MCM4: variants seen among roughly 807,000 people sequenced by gnomAD.
MCM4 encodes DNA replication licensing factor MCM4.
In MCM4, 60 loss-of-function variants were observed where a neutral mutation model predicts 88.7. That is an observed-to-expected ratio of 0.68 (90% CI 0.55 to 0.84). The LOEUF (loss-of-function observed/expected upper bound fraction) is 0.84. Among genes scored for constraint, MCM4 ranks in the 40% least tolerant of loss-of-function variants. MCM4 has a pLI of 0.00. For synonymous variants in MCM4, 465 were observed against 410.5 expected (o/e 1.13, Z -1.61); for missense variants, 1,149 against 1,105.5 (o/e 1.04, Z -0.56).
chr8:47,966,694 T>C (rs1266128767), intron 9 of MCM4, among the ~76,000 whole-genome samples: 5 of 152,246 alleles, frequency 3.3e-5, no homozygotes, highest in African/African-American at 1.2e-4. Context: ...GAATACTTGG[T>C]TAAATGTCAT....
intron 13 of MCM4, among the ~76,000 whole-genome samples, chr8:47,971,930 A>G (rs1041194759): frequency 9.3e-5 from 14 of 150,916 alleles, no homozygotes; most frequent in African/African-American, 3.4e-4. Flanking sequence ...ATGTGTTTTC[A>G]TTCAAATCTT....
chr8:47,969,769 A>C (rs2090934307), intron 10 of MCM4, 29 bp from the exon 11 acceptor site: 1 of 1,611,632 alleles, frequency 6.2e-7, no homozygotes, highest in South Asian at 1.1e-5. Flanking sequence ...ATGGGAAGGT[A>C]AAAGTGCATC....
In MCM4 at chr8:47,961,923, A is replaced by G. The variant is rs888340469; in HGVS notation, c.236-130A>G. The G allele has an allele frequency of 5.2e-6, 5 of 967,714 alleles. No individual in the cohort carries two copies. The South Asian group carries it at 6.4e-5, about 12-fold the overall frequency. 59.9% of individuals were successfully genotyped at this position (967,714 alleles called of 1,614,324 possible). ...TAATAGAACATTTAAGAGTGCTCAG[A>G]ATCTCAGCCACCGCAGGTTGCAATA... On this transcript the variant is annotated intron_variant, in intron 3 of 16. Coordinates refer to ENST00000649973, the MANE Select transcript of MCM4 (RefSeq NM_182746.3).
rs1032662910 is a variant in MCM4, at chr8:47,978,073, A to C, written c.*1295A>C. On this transcript the variant is annotated 3_prime_UTR_variant, in exon 17 of 17. Transcript: ENST00000649973. ...CTCATTTTCTTTAAATGTGAATTAA[A>C]TCCTAACAGTCATCTTTATAAAATG... is the stretch of plus-strand genomic sequence containing the variant. 2.0e-5 allele frequency: 3 copies of C among 151,716 alleles called. No homozygotes were observed. Among genetic ancestry groups the C allele is most frequent in the Admixed American group, 2.0e-4 (3 of 15,196 alleles). 9.4% of individuals were successfully genotyped at this position (151,716 alleles called of 1,614,324 possible). A position where few individuals can be genotyped will look rare whatever the true frequency, so the allele number is the denominator to read the frequency against.
intron 7 of MCM4, among the ~76,000 whole-genome samples, chr8:47,963,918 A>T (rs879859126): frequency 6.6e-6 from 1 of 152,220 alleles, no homozygotes; most frequent in African/African-American, 2.4e-5. Flanking sequence ...ATTTGAATAA[A>T]TATGATTTAA....
chr8:47,970,388 A>G, intron 11 of MCM4, 123 bp from the exon 12 acceptor site: 1 of 1,292,332 alleles, frequency 7.7e-7, no homozygotes, highest in Non-Finnish European at 1.1e-6. Flanking sequence ...GAGCCTTTTT[A>G]TACCTTCCTG....
intron 2 of MCM4, 73 bp from the exon 3 acceptor site, chr8:47,961,443 C>T (rs2090832001): frequency 1.9e-6 from 3 of 1,610,426 alleles, no homozygotes; most frequent in South Asian, 2.2e-5. Context: ...CATAATGCCC[C>T]AAGGAAAAGA....
chr8:47,969,547 C>G (rs1448932341), intron 10 of MCM4: 3 of 516,214 alleles, frequency 5.8e-6, no homozygotes, highest in East Asian at 3.3e-5. Context: ...CATGAGCCAC[C>G]TTGGTTCTTT....
intron 8 of MCM4, among the ~76,000 whole-genome samples, chr8:47,965,373 G>A (rs1201374178): frequency 6.6e-6 from 1 of 152,196 alleles, no homozygotes; most frequent in Non-Finnish European, 1.5e-5. Flanking sequence ...GGGAGGCTGA[G>A]GTGACGGGCT....
Position 47,961,691 on chromosome 8 carries a change from G to T in MCM4, c.235+11G>T. Reference sequence around the variant, plus strand: ...AAATGCATTCTTCAGGTGCGTGTCTGAAGATCTTGGTTTTGCTGTGCTTGA... The same window carrying T: ...AAATGCATTCTTCAGGTGCGTGTCTTAAGATCTTGGTTTTGCTGTGCTTGA... On this transcript the variant is annotated intron_variant, in intron 3 of 16. Transcript: ENST00000649973. 2 of 1,596,542 alleles carry T rather than the reference G, an allele frequency of 1.3e-6. No individual in the cohort carries two copies. Among genetic ancestry groups the T allele is most frequent in the Non-Finnish European group, 1.7e-6 (2 of 1,169,922 alleles).
At position 47,962,158 on chromosome 8, in the gene MCM4, A is replaced by C; in HGVS notation, c.341A>C (p.Gln114Pro). ...RSGVRGTPVRQRPDLGSAQKG... is the reference protein window; with the variant it reads ...RSGVRGTPVRPRPDLGSAQKG... ...GGTGTTAGGGGCACACCTGTGAGACAGAGGCCTGACCTGGGCTCTGCACAG... is the reference window on the plus strand; with the variant it reads ...GGTGTTAGGGGCACACCTGTGAGACCGAGGCCTGACCTGGGCTCTGCACAG... Residue 114 changes from glutamine to proline, a missense_variant, in exon 4 of 17, where the codon CAG becomes CCG. Gln to Pro is a moderately conservative substitution (Grantham distance 76). Around this residue, in one of 3 missense-constraint regions of MCM4, gnomAD observed 906 missense variants for 843.0 expected, o/e 1.07. Transcript: ENST00000649973. 6.2e-7 allele frequency: 1 copy of C among 1,614,216 alleles called. No individual in the cohort carries two copies. Among genetic ancestry groups the C allele is most frequent in the Non-Finnish European group, 8.5e-7 (1 of 1,180,032 alleles).
rs765819584 is a variant in MCM4, at chr8:47,961,225, C to T, written c.70+11C>T. On this transcript the variant is annotated intron_variant, in intron 2 of 16. Coordinates refer to ENST00000649973, the MANE Select transcript of MCM4 (RefSeq NM_182746.3). ...CCCCCGCCCAGACGCGTGAGTCCCC[C>T]GAGCCGGGCCCACTACAGCCCCCGG... 2.3e-5 allele frequency: 34 copies of T among 1,496,832 alleles called. No individual in the cohort carries two copies. Among genetic ancestry groups the T allele is most frequent in the Admixed American group, 4.3e-5 (2 of 46,354 alleles). 92.7% of individuals were successfully genotyped at this position (1,496,832 alleles called of 1,614,324 possible). A position where few individuals can be genotyped will look rare whatever the true frequency, so the allele number is the denominator to read the frequency against.
At position 47,971,385 on chromosome 8, in the gene MCM4, A is replaced by G; in HGVS notation, c.1845A>G (p.Ala615=). 6.2e-7 allele frequency: 1 copy of G among 1,614,186 alleles called. No homozygotes were observed. Among genetic ancestry groups the G allele is most frequent in the Non-Finnish European group, 8.5e-7 (1 of 1,180,022 alleles). The part of the protein sequence containing the change: ...CQLNARTSVL[A]AANPIESQWN... The stretch of plus-strand genomic sequence containing the variant: ...TCAATGCGCGCACCTCTGTCCTGGC[A>G]GCAGCAAATCCCATTGAGTCTCAGT... Residue 615 remains alanine (A), a synonymous_variant, in exon 13 of 17, where the codon GCA becomes GCG. Transcript: ENST00000649973.
chr8:47,976,591 C>T (rs552412772), intron 16 of MCM4, 95 bp from the exon 17 acceptor site: 95 of 854,918 alleles, frequency 1.1e-4, no homozygotes, highest in Non-Finnish European at 1.9e-6. Context: ...GAGAAAGATT[C>T]TGGGTGGTAC....
At chr8:47,963,546 A>G (rs1230412727) in intron 7 of MCM4, among the ~76,000 whole-genome samples, 1 of 152,154 alleles carries the variant, frequency 6.6e-6, no homozygotes, top group Non-Finnish European at 1.5e-5. Context: ...TATTACTATC[A>G]ATGACAGGTT....
chr8:47,961,849 G>A, intron 3 of MCM4, 169 bp downstream of exon 3: 1 of 999,466 alleles, frequency 1.0e-6, no homozygotes, highest in Non-Finnish European at 1.4e-6. Flanking sequence ...GAAAATAGTA[G>A]TTTTAGGGCT....
intron 11 of MCM4, 27 bp from the exon 12 acceptor site, chr8:47,970,483 AT>A (rs780698640): frequency 6.4e-7 from 1 of 1,564,066 alleles, no homozygotes; most frequent in Non-Finnish European, 8.7e-7. Context: ...CAGAAAATGA[AT>A]GTTTAGACAT....
chr8:47,967,151 G>C (rs2090906557), intron 9 of MCM4, among the ~76,000 whole-genome samples: 1 of 152,218 alleles, frequency 6.6e-6, no homozygotes, highest in Non-Finnish European at 1.5e-5. Flanking sequence ...CCCCACCGCA[G>C]CTCCCTACAT....
intron 5 of MCM4, 81 bp from the exon 6 acceptor site, chr8:47,962,683 A>G (rs1028320053): frequency 2.5e-6 from 2 of 792,774 alleles, no homozygotes; most frequent in African/African-American, 3.5e-5. Context: ...TGATAGTGAC[A>G]TACTCATAAC....
Sources: allele counts gnomAD v4.1 joint callset (sites outside exome capture counted in the v4.1 genomes callset), GRCh38; gene constraint gnomAD v4.1.1; regional missense constraint gnomAD v4.1.1; transcripts MANE v1.5; gene names NCBI Gene and HGNC (gene_info 2026-07-23, HGNC 2026-07-21).